Variants in KCNJ16 observed in about 807,000 individuals in gnomAD.
KCNJ16 encodes inward rectifier potassium channel 16.
In KCNJ16, 15 loss-of-function variants were observed where a neutral mutation model predicts 18.5. The observed-to-expected ratio is 0.81, with a 90% CI of 0.54 to 1.25. KCNJ16 has a LOEUF of 1.25. Ranked by LOEUF, KCNJ16 falls within the 50% of genes most tolerant of loss-of-function variation. KCNJ16 has a pLI of 0.00. For synonymous variants in KCNJ16, 174 were observed against 186.5 expected (o/e 0.93, Z 0.55); for missense variants, 523 against 525.7 (o/e 0.99, Z 0.05).
At chr17:70,119,959 T>A (rs2073565611) in intron 2 of KCNJ16, among the ~76,000 whole-genome samples, 1 of 152,228 alleles carries the variant, frequency 6.6e-6, no homozygotes, top group Admixed American at 6.5e-5. Flanking sequence ...ACTTTTACAC[T>A]CTGCTTCCCT....
chr17:70,076,230 T>C (rs1008633414), intron 1 of KCNJ16, among the ~76,000 whole-genome samples: 3 of 152,180 alleles, frequency 2.0e-5, no homozygotes, highest in Non-Finnish European at 2.9e-5. Context: ...ATTACTCTTA[T>C]GGCTAGTAAG....
intron 1 of KCNJ16, among the ~76,000 whole-genome samples, chr17:70,083,411 C>T (rs2143591362): frequency 6.6e-6 from 1 of 151,512 alleles, no homozygotes; most frequent in East Asian, 1.9e-4. Context: ...AAGTGCTGCA[C>T]AATGACAATT....
intron 1 of KCNJ16, among the ~76,000 whole-genome samples, chr17:70,092,158 T>C (rs566148821): frequency 1.3e-5 from 2 of 152,342 alleles, no homozygotes; most frequent in East Asian, 1.9e-4. Flanking sequence ...TTAGTTTCCA[T>C]ATAGGATCAA....
At chr17:70,085,385 G>A (rs939326761) in intron 1 of KCNJ16, among the ~76,000 whole-genome samples, 39 of 152,118 alleles carry the variant, frequency 2.6e-4, no homozygotes, top group Admixed American at 1.9e-3. Context: ...CTGAAAGGTC[G>A]GGATGTTCTG....
intron 1 of KCNJ16, among the ~76,000 whole-genome samples, chr17:70,092,559 TGATAGATATA>T (rs2072160153): frequency 8.2e-6 from 1 of 122,014 alleles, no homozygotes; most frequent in Non-Finnish European, 1.7e-5. Context: ...TATAGATAGA[TGATAGATATA>T]GATAGATAGA....
chr17:70,132,019 G>A lies in KCNJ16; in HGVS notation c.-69G>A. Reference sequence around the variant, plus strand: ...GGTTCTAACTGAAAACCCAAACCAAGAAATAGCAACAAGTCTAGAATTCTT... The same window carrying A: ...GGTTCTAACTGAAAACCCAAACCAAAAAATAGCAACAAGTCTAGAATTCTT... On this transcript the variant is annotated 5_prime_UTR_variant, in exon 4 of 4. Coordinates refer to ENST00000392671, the MANE Select transcript of KCNJ16 (RefSeq NM_170741.4). 1 of 1,598,838 alleles carries A rather than the reference G, an allele frequency of 6.3e-7. No individual in the cohort carries two copies. Among genetic ancestry groups the A allele is most frequent in the Non-Finnish European group, 8.5e-7 (1 of 1,172,564 alleles).
At chr17:70,116,402 T>G (rs953516668) in intron 2 of KCNJ16, among the ~76,000 whole-genome samples, 3 of 152,186 alleles carry the variant, frequency 2.0e-5, no homozygotes, top group Non-Finnish European at 4.4e-5. Flanking sequence ...AGTCGTGTCT[T>G]TGTATTCATC....
intron 1 of KCNJ16, among the ~76,000 whole-genome samples, chr17:70,094,629 T>TGAC (rs2143755773): frequency 6.6e-6 from 1 of 151,694 alleles, no homozygotes; most frequent in South Asian, 2.1e-4. Flanking sequence ...GTGGGGGGAA[T>TGAC]AACATATATT....
chr17:70,089,885 G>A (rs998397380), intron 1 of KCNJ16, among the ~76,000 whole-genome samples: 1 of 152,276 alleles, frequency 6.6e-6, no homozygotes, highest in Admixed American at 6.5e-5. Context: ...CTTTGTAACC[G>A]TGGTAATAAC....
At chr17:70,109,852 T>C (rs777111679) in intron 2 of KCNJ16, among the ~76,000 whole-genome samples, 9 of 152,130 alleles carry the variant, frequency 5.9e-5, no homozygotes, top group African/African-American at 1.2e-4. Context: ...ACTGGGATGA[T>C]CCTCTCAGCT....
rs2072585859 is a variant in KCNJ16 at position 70,100,766 on chromosome 17, G to C, written c.-191G>C. 2 of 152,110 alleles carry C rather than the reference G, an allele frequency of 1.3e-5. No homozygotes were observed. 9.4% of individuals were successfully genotyped at this position (152,110 alleles called of 1,614,324 possible). Reference sequence around the variant, plus strand: ...CTGCTGTGTTGCCTCTCACTTTAAAGGTAAGAAATTAAACCAATTTTAACA... The same window carrying C: ...CTGCTGTGTTGCCTCTCACTTTAAACGTAAGAAATTAAACCAATTTTAACA... On this transcript the variant is annotated splice_region_variant and 5_prime_UTR_variant, in exon 2 of 4. Coordinates refer to ENST00000392671, the MANE Select transcript of KCNJ16 (RefSeq NM_170741.4).
intron 1 of KCNJ16, among the ~76,000 whole-genome samples, chr17:70,085,927 C>T (rs890862280): frequency 6.6e-6 from 1 of 152,014 alleles, no homozygotes; most frequent in African/African-American, 2.4e-5. Flanking sequence ...CCAAATCTAA[C>T]GAAAGTAATG....
At chr17:70,085,955 A>G (rs866237930) in intron 1 of KCNJ16, among the ~76,000 whole-genome samples, 4 of 152,202 alleles carry the variant, frequency 2.6e-5, no homozygotes, top group South Asian at 2.1e-4. Context: ...GATGGGGGAA[A>G]ATGTAACCAT....
chr17:70,126,440 TC>T (rs2073858660), intron 2 of KCNJ16, among the ~76,000 whole-genome samples: 1 of 152,198 alleles, frequency 6.6e-6, no homozygotes, highest in Non-Finnish European at 1.5e-5. Flanking sequence ...GGGTTCAGAT[TC>T]AAACAATAAT....
chr17:70,085,333 C>G (rs868038896), intron 1 of KCNJ16, among the ~76,000 whole-genome samples: 1 of 152,180 alleles, frequency 6.6e-6, no homozygotes, highest in South Asian at 2.1e-4. Flanking sequence ...TTGATTCGGT[C>G]TTCATAACAG....
intron 2 of KCNJ16, among the ~76,000 whole-genome samples, chr17:70,106,354 T>C (rs2072925262): frequency 6.6e-6 from 1 of 152,200 alleles, no homozygotes. Flanking sequence ...AAGCCTTTAC[T>C]AGTATCTATA....
chr17:70,107,589 T>G (rs766342517), intron 2 of KCNJ16, among the ~76,000 whole-genome samples: 3 of 152,024 alleles, frequency 2.0e-5, no homozygotes, highest in Admixed American at 6.6e-5. Flanking sequence ...TCAGCTAAAA[T>G]TAAGAAGTCA....
intron 2 of KCNJ16, among the ~76,000 whole-genome samples, chr17:70,107,613 A>C (rs553320662): frequency 4.6e-5 from 7 of 152,306 alleles, no homozygotes; most frequent in African/African-American, 1.7e-4. Flanking sequence ...CAATGAGCAA[A>C]GGCACAGACA....
At chr17:70,099,429 G>A (rs553558007) in intron 1 of KCNJ16, among the ~76,000 whole-genome samples, 1 of 152,166 alleles carries the variant, frequency 6.6e-6, no homozygotes, top group East Asian at 1.9e-4. Context: ...GAAAGCTATA[G>A]GGAGACACAT....
Sources: allele counts gnomAD v4.1 joint callset (sites outside exome capture counted in the v4.1 genomes callset), GRCh38; gene constraint gnomAD v4.1.1; transcripts MANE v1.5; gene names NCBI Gene and HGNC (gene_info 2026-07-23, HGNC 2026-07-21).